Variants in THRB observed in about 807,000 individuals in gnomAD.
The protein encoded by THRB is nuclear receptor subfamily 1 group A member 2.
In THRB, 12 loss-of-function variants were observed where a neutral mutation model predicts 47.8. That is an observed-to-expected ratio of 0.25 (90% CI 0.16 to 0.41). The LOEUF (loss-of-function observed/expected upper bound fraction) is 0.41, where lower values mean the gene tolerates loss of function less well. Among genes scored for constraint, THRB ranks in the 10% least tolerant of loss-of-function variants. The pLI is 1.00. For synonymous variants in THRB, 218 were observed against 212.2 expected, an observed-to-expected ratio of 1.03 and a Z score of -0.24; for missense variants, 348 against 589.2, an observed-to-expected ratio of 0.59 and a Z score of 4.24.
chr3:24,333,835 A>G (rs112462741), intron 2 of THRB, among the ~76,000 whole-genome samples: 4,263 of 152,324 alleles, frequency 0.028, 62 homozygotes, highest in Middle Eastern at 0.041. Flanking sequence ...CTGAAGAAAA[A>G]TAATACAGCC....
At chr3:24,279,078 C>T (rs943150491) in intron 3 of THRB, among the ~76,000 whole-genome samples, 7 of 152,146 alleles carry the variant, frequency 4.6e-5, no homozygotes, top group Admixed American at 2.0e-4. Context: ...CTCCCGGCTT[C>T]AAGTAATCCT....
chr3:24,477,057 A>G (rs1037533845), intron 1 of THRB, among the ~76,000 whole-genome samples: 5 of 147,236 alleles, frequency 3.4e-5, no homozygotes, highest in Non-Finnish European at 5.9e-5. Flanking sequence ...CCATTTTGCA[A>G]TCATGATCCA....
At chr3:24,385,496 T>C (rs1413996724) in intron 1 of THRB, among the ~76,000 whole-genome samples, 1 of 152,048 alleles carries the variant, frequency 6.6e-6, no homozygotes, top group Admixed American at 6.6e-5. Flanking sequence ...TGTCACACTC[T>C]CTAAGTGTTG....
At chr3:24,293,274 C>T (rs2056128490) in intron 3 of THRB, among the ~76,000 whole-genome samples, 4 of 152,290 alleles carry the variant, frequency 2.6e-5, no homozygotes, top group Non-Finnish European at 4.4e-5. Flanking sequence ...AGTCACCCAT[C>T]CCAGTATCAT....
chr3:24,142,249 G>C (rs2035548451), intron 8 of THRB, among the ~76,000 whole-genome samples: 2 of 152,192 alleles, frequency 1.3e-5, no homozygotes, highest in African/African-American at 4.8e-5. Flanking sequence ...TACAGGATTG[G>C]TATAGGAAGT....
intron 1 of THRB, among the ~76,000 whole-genome samples, chr3:24,453,189 A>G (rs1186135157): frequency 6.6e-6 from 1 of 152,110 alleles, no homozygotes; most frequent in East Asian, 1.9e-4. Context: ...AGTAGTCAAA[A>G]CAATTAATAG....
intron 1 of THRB, among the ~76,000 whole-genome samples, chr3:24,384,310 T>C (rs540484310): frequency 3.4e-4 from 52 of 152,268 alleles, no homozygotes; most frequent in African/African-American, 1.2e-3. Flanking sequence ...AATTGTTATA[T>C]AAGGGAGACG....
At chr3:24,127,802 G>C (rs780223397) in intron 9 of THRB, 45 bp from the exon 10 acceptor site, 1 of 1,610,656 alleles carries the variant, frequency 6.2e-7, no homozygotes, top group South Asian at 1.1e-5. Flanking sequence ...ATGCAAAAAT[G>C]CCAGTCAGGA....
chr3:24,426,853 T>G (rs912915604), intron 1 of THRB, among the ~76,000 whole-genome samples: 1 of 151,896 alleles, frequency 6.6e-6, no homozygotes, highest in Non-Finnish European at 1.5e-5. Context: ...TAAAAGAAAA[T>G]ATACCCATAT....
rs976446039 is a variant in THRB, at chr3:24,292,035, T to C, written c.-43+5191A>G. On this transcript the variant is annotated intron_variant, in intron 3 of 10. Transcript: ENST00000646209. ...CATCTAATCATTCAATGGACTAATA[T>C]GTGGCTGTTGAGAAAAAAGAGTAAC... 2.6e-5 allele frequency among the ~76,000 whole-genome samples: 4 copies of C among 152,170 alleles called. No individual in the cohort carries two copies. The East Asian group carries it at 5.8e-4, about 22-fold the overall frequency.
intron 4 of THRB, among the ~76,000 whole-genome samples, chr3:24,196,651 C>A (rs1161076004): frequency 6.6e-6 from 1 of 152,062 alleles, no homozygotes; most frequent in African/African-American, 2.4e-5. Flanking sequence ...TGGCTAAGAA[C>A]CTGGGATGAG....
At chr3:24,311,929 G>A (rs549207987) in intron 2 of THRB, among the ~76,000 whole-genome samples, 2 of 152,248 alleles carry the variant, frequency 1.3e-5, no homozygotes, top group South Asian at 2.1e-4. Context: ...GGCTTTGTAC[G>A]CACAGGCCAC....
At chr3:24,466,276 C>T (rs1315533080) in intron 1 of THRB, among the ~76,000 whole-genome samples, 1 of 151,736 alleles carries the variant, frequency 6.6e-6, no homozygotes, top group Non-Finnish European at 1.5e-5. Flanking sequence ...TCTTATTTAC[C>T]ATCTCCATTT....
rs553058831 is a variant in THRB at position 24,395,396 on chromosome 3, G to A, written c.-260-58025C>T. The stretch of plus-strand genomic sequence containing the variant: ...TATAAGAAATCTGTATCTAAAATAC[G>A]TAAAGGACTATTATAACTCAATAAT... On this transcript the variant is annotated intron_variant, in intron 1 of 10. Coordinates refer to ENST00000646209, the MANE Select transcript of THRB (RefSeq NM_001354712.2). Among the ~76,000 whole-genome samples the A allele has an allele frequency of 1.1e-4, 17 of 151,968 alleles. No homozygotes were observed. In the East Asian group the frequency reaches 2.5e-3, roughly 23 times the overall value.
intron 8 of THRB, among the ~76,000 whole-genome samples, chr3:24,139,884 A>G (rs2035215056): frequency 6.6e-6 from 1 of 152,240 alleles, no homozygotes; most frequent in South Asian, 2.1e-4. Flanking sequence ...AGGCCTCCTC[A>G]AATTCTTTTT....
chr3:24,353,064 A>T (rs1009695605), intron 1 of THRB, among the ~76,000 whole-genome samples: 1 of 152,048 alleles, frequency 6.6e-6, no homozygotes, highest in Non-Finnish European at 1.5e-5. Context: ...CAACAAGGAG[A>T]GCAGGCAGAC....
chr3:24,475,352 T>C (rs1409482150), intron 1 of THRB, among the ~76,000 whole-genome samples: 2 of 152,140 alleles, frequency 1.3e-5, no homozygotes, highest in African/African-American at 4.8e-5. Context: ...AATAAATAAA[T>C]GTAAGAAGTT....
chr3:24,357,366 A>AAAC (rs2063751494), intron 1 of THRB, among the ~76,000 whole-genome samples: 1 of 147,030 alleles, frequency 6.8e-6, no homozygotes. Context: ...AAAAAAAAAA[A>AAAC]AAAAAAAACA....
intron 5 of THRB, among the ~76,000 whole-genome samples, chr3:24,163,404 G>A (rs1363485062): frequency 6.6e-6 from 1 of 152,020 alleles, no homozygotes; most frequent in South Asian, 2.1e-4. Flanking sequence ...CATTTTATAA[G>A]CAAATATTCC....
Sources: gnomAD v4.1 joint callset for allele counts (sites outside exome capture counted in the v4.1 genomes callset) on GRCh38, gnomAD v4.1.1 for gene constraint, MANE v1.5 for transcripts, NCBI Gene and HGNC (gene_info 2026-07-23, HGNC 2026-07-21) for gene names.